Variants in TRAPPC9 observed in about 807,000 individuals in gnomAD.
TRAPPC9 encodes trafficking protein particle complex subunit 9.
A neutral mutation model predicts 124.0 loss-of-function variants in TRAPPC9; 83 were observed. The ratio of observed to expected loss-of-function variants is 0.67; its 90% CI spans 0.56 to 0.80. The LOEUF (loss-of-function observed/expected upper bound fraction) is 0.80. TRAPPC9 is among the 30% of genes least tolerant of loss of function. The pLI, the probability that TRAPPC9 is intolerant of heterozygous loss-of-function variation, is 0.00. For missense variants in TRAPPC9, 1,302 were observed against 1,508.3 expected (o/e 0.86, Z 2.27); for synonymous variants, 638 against 617.5 (o/e 1.03, Z -0.49).
At chr8:140,110,243 TAGCAGCTCCCCCCTGCACCCCCTGC>T (rs2060740227) in intron 17 of TRAPPC9, among the ~76,000 whole-genome samples, 1 of 65,202 alleles carries the variant, frequency 1.5e-5, no homozygotes, top group Non-Finnish European at 2.9e-5. Context: ...GCTCCCCCTG[TAGCAGCTCCCCCCTGCACCCCCTGC>T]AGCAGCTCCC....
chr8:140,086,739 G>A (rs1298753854), intron 17 of TRAPPC9, among the ~76,000 whole-genome samples: 1 of 152,088 alleles, frequency 6.6e-6, no homozygotes, highest in African/African-American at 2.4e-5. Flanking sequence ...AGACCAGCCT[G>A]ACCAAGATGG....
chr8:140,008,926 T>C (rs1310807908), intron 18 of TRAPPC9, among the ~76,000 whole-genome samples: 1 of 152,206 alleles, frequency 6.6e-6, no homozygotes, highest in Admixed American at 6.5e-5. Context: ...TCCCCATACA[T>C]CTATTTCTTT....
At chr8:139,818,599 T>C (rs150718849) in intron 21 of TRAPPC9, among the ~76,000 whole-genome samples, 1 of 151,606 alleles carries the variant, frequency 6.6e-6, no homozygotes, top group Non-Finnish European at 1.5e-5. Context: ...AAGAAAAAAA[T>C]AGTAACACAG....
intron 21 of TRAPPC9, among the ~76,000 whole-genome samples, chr8:139,803,169 G>T (rs938301813): frequency 2.1e-4 from 32 of 151,540 alleles, no homozygotes; most frequent in African/African-American, 6.8e-4. Context: ...TGCTGTGTGC[G>T]CGTTGTGTAT....
At chr8:139,867,769 G>C (rs1251862648) in intron 21 of TRAPPC9, among the ~76,000 whole-genome samples, 2 of 152,194 alleles carry the variant, frequency 1.3e-5, no homozygotes, top group East Asian at 3.9e-4. Flanking sequence ...AAAGTGTCAA[G>C]GTGATGGAAG....
chr8:140,413,459 C>T (rs1252119675), intron 5 of TRAPPC9, among the ~76,000 whole-genome samples: 1 of 151,182 alleles, frequency 6.6e-6, no homozygotes, highest in Non-Finnish European at 1.5e-5. Flanking sequence ...AGCGTCAGGC[C>T]AGCCTTTGGC....
chr8:139,889,360 G>A (rs570741946), intron 20 of TRAPPC9, among the ~76,000 whole-genome samples: 4 of 152,206 alleles, frequency 2.6e-5, no homozygotes, highest in South Asian at 2.1e-4. Flanking sequence ...GTCCCTTCTC[G>A]GGAGCCAGTC....
intron 17 of TRAPPC9, among the ~76,000 whole-genome samples, chr8:140,117,128 G>C (rs1013632338): frequency 1.3e-5 from 2 of 152,178 alleles, no homozygotes; most frequent in Admixed American, 1.3e-4. Flanking sequence ...TGGAGTCTGA[G>C]AGTCTTACTG....
At chr8:140,408,804 A>G (rs2069589583) in intron 5 of TRAPPC9, among the ~76,000 whole-genome samples, 1 of 53,584 alleles carries the variant, frequency 1.9e-5, no homozygotes, top group African/African-American at 3.6e-5. Context: ...GCCATTTGGA[A>G]AAAAAAAAAA....
chr8:140,033,894 C>A (rs1256576546), intron 17 of TRAPPC9, among the ~76,000 whole-genome samples: 1 of 151,956 alleles, frequency 6.6e-6, no homozygotes. Context: ...GTTGGTCAGG[C>A]TGGTCTTGAA....
At chr8:140,328,812 AT>A (rs2131987153) in intron 9 of TRAPPC9, among the ~76,000 whole-genome samples, 1 of 152,244 alleles carries the variant, frequency 6.6e-6, no homozygotes, top group Admixed American at 6.5e-5. Flanking sequence ...CATAGTTATA[AT>A]TTACGAATTA....
chr8:139,929,567 C>T (rs905751692), intron 19 of TRAPPC9, among the ~76,000 whole-genome samples: 1 of 152,152 alleles, frequency 6.6e-6, no homozygotes, highest in Non-Finnish European at 1.5e-5. Flanking sequence ...AGCCTCAGTT[C>T]TTGGCTTTGG....
intron 4 of TRAPPC9, among the ~76,000 whole-genome samples, chr8:140,431,720 T>TG (rs1363383498): frequency 2.0e-5 from 3 of 151,794 alleles, no homozygotes; most frequent in African/African-American, 7.3e-5. Context: ...AGCGAGGAGG[T>TG]GGGGGGCACC....
chr8:139,751,881 T>A (rs1263963988), intron 21 of TRAPPC9, among the ~76,000 whole-genome samples: 2 of 150,698 alleles, frequency 1.3e-5, no homozygotes, highest in African/African-American at 4.9e-5. Flanking sequence ...CATCTACCCA[T>A]CCATCCATCC....
chr8:140,082,750 C>A (rs1843912955), intron 17 of TRAPPC9, among the ~76,000 whole-genome samples: 1 of 152,122 alleles, frequency 6.6e-6, no homozygotes, highest in Admixed American at 6.5e-5. Context: ...CAAAATACAT[C>A]AAAATGGTCT....
chr8:140,439,174 C>A lies in TRAPPC9; in HGVS notation c.608G>T (p.Gly203Val). 6.2e-7 allele frequency: 1 copy of A among 1,614,120 alleles called. No individual in the cohort carries two copies. The highest frequency in any genetic ancestry group is 1.1e-5 in the South Asian group (1 of 91,076). ...GTCCCCCACGTGCTTCCGCATGCGG[C>A]CTTGGCACCGCTTCTTGTAATGTCT... The part of the protein sequence containing the change: ...DSRHYKKRCQ[G>V]RMRKHVGDLC... Residue 203 changes from glycine to valine, a missense_variant, in exon 3 of 23, where the codon GGC becomes GTC. Gly to Val is a moderately radical substitution (Grantham distance 109, BLOSUM62 -3). Transcript: ENST00000438773.
intron 17 of TRAPPC9, among the ~76,000 whole-genome samples, chr8:140,176,348 C>T (rs920667649): frequency 2.0e-5 from 3 of 152,184 alleles, no homozygotes; most frequent in Admixed American, 6.5e-5. Context: ...CCTCCAGCAA[C>T]GAGTGACCTG....
At chr8:140,000,713 A>G (rs1838333537) in intron 18 of TRAPPC9, among the ~76,000 whole-genome samples, 1 of 152,246 alleles carries the variant, frequency 6.6e-6, no homozygotes, top group African/African-American at 2.4e-5. Flanking sequence ...AATGGCAATC[A>G]TTAAAAAGTC....
At chr8:139,799,325 CCCAA>C (rs1823309175) in intron 21 of TRAPPC9, among the ~76,000 whole-genome samples, 1 of 152,150 alleles carries the variant, frequency 6.6e-6, no homozygotes, top group African/African-American at 2.4e-5. Flanking sequence ...AAAGATCCAC[CCCAA>C]CCTTTTTTGC....
Sources: gnomAD v4.1 joint callset for allele counts (sites outside exome capture counted in the v4.1 genomes callset) on GRCh38, gnomAD v4.1.1 for gene constraint, MANE v1.5 for transcripts, NCBI Gene and HGNC (gene_info 2026-07-23, HGNC 2026-07-21) for gene names.